TMSB15B: variants seen among roughly 807,000 people sequenced by gnomAD.
TMSB15B encodes thymosin beta 15B, also known as thymosin beta-15B.
intron 1 of TMSB15B, among the ~76,000 whole-genome samples, chrX:103,924,421 T>G (rs1386807369): frequency 8.9e-6 from 1 of 111,895 alleles, no homozygotes; most frequent in East Asian, 2.8e-4. Flanking sequence ...ATATGCCCCT[T>G]CTCAGAGAAA....
At chrX:103,927,507 C>A (rs2074971695) in intron 1 of TMSB15B, among the ~76,000 whole-genome samples, 1 of 111,632 alleles carries the variant, frequency 9.0e-6, no homozygotes, top group African/African-American at 3.3e-5. Flanking sequence ...TGGAGGGGGA[C>A]TGGGCATAGC....
rs1269620652 is a variant in TMSB15B at position 103,928,622 on chromosome X, A to G, written c.-721+9330A>G. On this transcript the variant is annotated intron_variant, in intron 1 of 3. Transcript: ENST00000419165. ...GGGCGGCTGTCACGGGGCTACTACC[A>G]TGGTTTCTGGCCTGTCCTGGCCAGG... 5.2e-6 allele frequency: 6 copies of G among 1,162,471 alleles called. No individual in the cohort carries two copies. In the African/African-American group the frequency reaches 5.4e-5, roughly 10 times the overall value.
intron 1 of TMSB15B, among the ~76,000 whole-genome samples, chrX:103,947,865 T>C (rs2147824816): frequency 8.9e-6 from 1 of 111,970 alleles, no homozygotes; most frequent in East Asian, 2.8e-4. Flanking sequence ...AAAAAAATGC[T>C]TATCCTCGTT....
intron 1 of TMSB15B, among the ~76,000 whole-genome samples, chrX:103,939,593 G>A (rs2075007338): frequency 9.0e-6 from 1 of 110,675 alleles, no homozygotes; most frequent in African/African-American, 3.3e-5. Context: ...CTTGGATTGG[G>A]TTAGAACATG....
At chrX:103,930,029 G>A (rs1459703619) in intron 1 of TMSB15B, among the ~76,000 whole-genome samples, 10 of 110,562 alleles carry the variant, frequency 9.0e-5, no homozygotes, top group Non-Finnish European at 1.7e-4. Flanking sequence ...TGCATATTTT[G>A]TTGATGTGGT....
chrX:103,925,760 G>A (rs2074966470), intron 1 of TMSB15B, among the ~76,000 whole-genome samples: 1 of 112,313 alleles, frequency 8.9e-6, no homozygotes, highest in African/African-American at 3.2e-5. Context: ...CCAAATCCTA[G>A]CCCAGTTTTC....
chrX:103,940,498 C>T (rs1432689084), intron 1 of TMSB15B, among the ~76,000 whole-genome samples: 1 of 111,112 alleles, frequency 9.0e-6, no homozygotes, highest in Non-Finnish European at 1.9e-5. Flanking sequence ...AATGGCAGAT[C>T]CCCTCTCCCC....
intron 1 of TMSB15B, among the ~76,000 whole-genome samples, chrX:103,930,009 C>A (rs2074980253): frequency 9.0e-6 from 1 of 110,727 alleles, no homozygotes; most frequent in Admixed American, 9.7e-5. Context: ...CTAATGCTAT[C>A]CCTAATAATT....
intron 1 of TMSB15B, among the ~76,000 whole-genome samples, chrX:103,929,923 T>C (rs1182376435): frequency 5.4e-5 from 6 of 110,463 alleles, no homozygotes; most frequent in Non-Finnish European, 9.5e-5. Context: ...AATGTGCAGG[T>C]TAGTTACATA....
At chrX:103,926,075 C>T (rs183115769) in intron 1 of TMSB15B, among the ~76,000 whole-genome samples, 1 of 110,726 alleles carries the variant, frequency 9.0e-6, no homozygotes, top group Non-Finnish European at 1.9e-5. Context: ...AATAGTGGGC[C>T]TCTTGAGCTT....
intron 1 of TMSB15B, among the ~76,000 whole-genome samples, chrX:103,939,787 C>T (rs782612601): frequency 8.7e-4 from 97 of 111,916 alleles, no homozygotes; most frequent in African/African-American, 3.0e-3. Flanking sequence ...TCCTCATCTT[C>T]GTGGGTTTAT....
intron 1 of TMSB15B, among the ~76,000 whole-genome samples, chrX:103,921,366 C>G (rs781865242): frequency 5.3e-5 from 6 of 112,238 alleles, no homozygotes; most frequent in African/African-American, 1.6e-4. Flanking sequence ...TCCCAGAAGA[C>G]TCTTGTTCAG....
chrX:103,943,616 G>T (rs1198794458), intron 1 of TMSB15B, among the ~76,000 whole-genome samples: 3 of 111,453 alleles, frequency 2.7e-5, no homozygotes, highest in East Asian at 5.6e-4. Context: ...ACCACTTGGC[G>T]TGACATTCAA....
chrX:103,927,993 C>T lies in TMSB15B; in HGVS notation c.-721+8701C>T, dbSNP rs149121175. On this transcript the variant is annotated intron_variant, in intron 1 of 3. Transcript: ENST00000419165. Reference sequence around the variant, plus strand: ...ACCTGAGTTTCTTAGGGTTCATTTCCAATTAAGCAATGAGAATGCTTGCCA... The same window carrying T: ...ACCTGAGTTTCTTAGGGTTCATTTCTAATTAAGCAATGAGAATGCTTGCCA... 9.8e-4 allele frequency: 457 copies of T among 468,265 alleles called. 1 individual carries two copies. The highest frequency in any genetic ancestry group is 8.9e-3 in the African/African-American group (368 of 41,283). 38.6% of individuals were successfully genotyped at this position (468,265 alleles called of 1,213,427 possible). A position where few individuals can be genotyped will look rare whatever the true frequency, so the allele number is the denominator to read the frequency against.
At chrX:103,933,542 G>A (rs182077488) in intron 1 of TMSB15B, among the ~76,000 whole-genome samples, 1 of 111,622 alleles carries the variant, frequency 9.0e-6, no homozygotes. Context: ...CCCCCATGCT[G>A]ACTTTTGTGA....
chrX:103,940,482 C>T (rs181142801), intron 1 of TMSB15B, among the ~76,000 whole-genome samples: 17 of 111,461 alleles, frequency 1.5e-4, no homozygotes, highest in African/African-American at 5.5e-4. Flanking sequence ...CTACTCAAGC[C>T]TCAGTAATGG....
chrX:103,924,832 G>A (rs2074963712), intron 1 of TMSB15B, among the ~76,000 whole-genome samples: 1 of 111,209 alleles, frequency 9.0e-6, no homozygotes, highest in South Asian at 3.9e-4. Context: ...GCAGGTCAGG[G>A]TACAGGTGAT....
chrX:103,934,680 T>C (rs1466831893), intron 1 of TMSB15B, among the ~76,000 whole-genome samples: 4 of 112,041 alleles, frequency 3.6e-5, no homozygotes, highest in African/African-American at 1.3e-4. Context: ...TCATTCTTTT[T>C]TATGGCTGCA....
At chrX:103,928,596 G>A (rs1459583831) in intron 1 of TMSB15B, 41 of 1,168,048 alleles carry the variant, frequency 3.5e-5, no homozygotes, top group Admixed American at 1.1e-4. Context: ...ATGGGCTTTG[G>A]GGGCGGCTGT....
Sources: gnomAD v4.1 joint callset for allele counts (sites outside exome capture counted in the v4.1 genomes callset) on GRCh38, gnomAD v4.1.1 for gene constraint, MANE v1.5 for transcripts, NCBI Gene and HGNC (gene_info 2026-07-23, HGNC 2026-07-21) for gene names.